Variants in SV2B observed in about 807,000 individuals in gnomAD.
SV2B encodes the protein solute carrier family 22 member B2.
SV2B carries 41 observed loss-of-function variants against 73.9 expected under a neutral mutation model. The observed-to-expected ratio is 0.56, with a 90% CI of 0.43 to 0.72. SV2B has a LOEUF of 0.72. SV2B is among the 30% of genes least tolerant of loss of function. The probability of loss-of-function intolerance (pLI) is 0.00; values close to 1 mark genes in which losing one functional copy is unlikely to be tolerated. For missense variants in SV2B, 764 were observed against 857.8 expected (o/e 0.89, Z 1.37); for synonymous variants, 314 against 314.2 (o/e 1.00, Z 0.01).
At chr15:91,170,416 T>G (rs1457496644) in intron 1 of SV2B, among the ~76,000 whole-genome samples, 1 of 152,124 alleles carries the variant, frequency 6.6e-6, no homozygotes, top group African/African-American at 2.4e-5. Context: ...GCCTCCCGAG[T>G]AGCTGGAACT....
intron 1 of SV2B, among the ~76,000 whole-genome samples, chr15:91,167,555 T>G (rs1211396132): frequency 2.0e-5 from 3 of 152,306 alleles, no homozygotes; most frequent in African/African-American, 7.2e-5. Flanking sequence ...CAACCTTTGG[T>G]TTTGTCTTCA....
rs1406215941 is a variant in SV2B at position 91,234,422 on chromosome 15, A to G, written c.451+7708A>G. Among the ~76,000 whole-genome samples, 3 of 152,216 alleles carry G rather than the reference A, an allele frequency of 2.0e-5. No homozygotes were observed. Among genetic ancestry groups the G allele is most frequent in the South Asian group, 4.1e-4 (2 of 4,834 alleles). ...ATTGGATCCCAGGGTGCAAGGGCCAAGTGGTGGCACTCAGTCACCAAAGGC... is the reference window on the plus strand; with the variant it reads ...ATTGGATCCCAGGGTGCAAGGGCCAGGTGGTGGCACTCAGTCACCAAAGGC... On this transcript the variant is annotated intron_variant, in intron 2 of 12. Transcript: ENST00000394232. This position sits in a 1 kb window ranked among gnomAD's most constrained non-coding sequence, Gnocchi z 5.6.
At chr15:91,204,746 T>C (rs1333276529) in intron 1 of SV2B, among the ~76,000 whole-genome samples, 2 of 152,034 alleles carry the variant, frequency 1.3e-5, no homozygotes, top group East Asian at 1.9e-4. Flanking sequence ...TTTGTAGAGA[T>C]GAAGTCTTGC....
At position 91,236,289 on chromosome 15, in the gene SV2B, CATATG is replaced by C. The variant is rs1342285034; in HGVS notation, c.451+9576_451+9580del. 2.0e-5 allele frequency among the ~76,000 whole-genome samples: 3 copies of C among 152,096 alleles called. No individual in the cohort carries two copies. The highest frequency in any genetic ancestry group is 4.4e-5 in the Non-Finnish European group (3 of 68,012). ...CCAATTTGCTAATTATCAGAATAAA[CATATG>C]TTATTTATTTATTTGTATTGATTCA... On this transcript the variant is annotated intron_variant, in intron 2 of 12. Coordinates refer to ENST00000394232, the MANE Select transcript of SV2B (RefSeq NM_001323032.3). The surrounding 1 kb of genome is among the most constrained non-coding windows in gnomAD (Gnocchi z 4.1).
Position 91,281,922 on chromosome 15 carries a change from G to T in SV2B, c.1507+61G>T. The stretch of plus-strand genomic sequence containing the variant: ...ACAGGAGACAACTTGTGTTGTCCAA[G>T]AATCAAAATGGTCAGGCATAAACTT... On this transcript the variant is annotated intron_variant, in intron 10 of 12. Coordinates refer to ENST00000394232, the MANE Select transcript of SV2B (RefSeq NM_001323032.3). This position sits in a 1 kb window ranked among gnomAD's most constrained non-coding sequence, Gnocchi z 4.7. 7 of 1,526,598 alleles carry T rather than the reference G, an allele frequency of 4.6e-6. No individual in the cohort carries two copies. Among genetic ancestry groups the T allele is most frequent in the South Asian group, 1.3e-5 (1 of 78,708 alleles). 94.6% of individuals were successfully genotyped at this position (1,526,598 alleles called of 1,614,324 possible).
intron 4 of SV2B, among the ~76,000 whole-genome samples, chr15:91,254,341 G>A (rs12101330): frequency 0.13 from 18,968 of 150,512 alleles, 1,291 homozygotes; most frequent in Middle Eastern, 0.15. Context: ...GGTTCAAGCA[G>A]TACTCGTGTC....
At chr15:91,215,354 C>T (rs1197805055) in intron 1 of SV2B, among the ~76,000 whole-genome samples, 1 of 152,160 alleles carries the variant, frequency 6.6e-6, no homozygotes, top group African/African-American at 2.4e-5. Flanking sequence ...GATTTCCCTC[C>T]TCCTTCTGTT....
chr15:91,232,300 C>T lies in SV2B; in HGVS notation c.451+5586C>T, dbSNP rs1354199312. Among the ~76,000 whole-genome samples, 1 of 152,160 alleles carries T rather than the reference C, an allele frequency of 6.6e-6. No homozygotes were observed. The highest frequency in any genetic ancestry group is 2.4e-5 in the African/African-American group (1 of 41,444). Reference sequence around the variant, plus strand: ...TTGTTCTTATTTATACTGTTTAGATCATGTAATTCTTCAGGATAGACTGAT... The same window carrying T: ...TTGTTCTTATTTATACTGTTTAGATTATGTAATTCTTCAGGATAGACTGAT... On this transcript the variant is annotated intron_variant, in intron 2 of 12. Transcript: ENST00000394232. The surrounding 1 kb of genome is among the most constrained non-coding windows in gnomAD (Gnocchi z 4.7).
At chr15:91,152,046 T>C in intron 1 of SV2B, among the ~76,000 whole-genome samples, 1 of 151,212 alleles carries the variant, frequency 6.6e-6, no homozygotes, top group East Asian at 1.9e-4. Flanking sequence ...AATGTTTATT[T>C]TGTCAATCTG....
chr15:91,152,509 T>G (rs991878303), intron 1 of SV2B, among the ~76,000 whole-genome samples: 1 of 152,226 alleles, frequency 6.6e-6, no homozygotes, highest in Non-Finnish European at 1.5e-5. Context: ...TGAATTTACA[T>G]CTTGTCCTTA....
At position 91,129,804 on chromosome 15, in the gene SV2B, G is replaced by A. The variant is rs951060524; in HGVS notation, c.-392+29441G>A. ...ATCCCAGCCCTGCCACTTACTAACT[G>A]TGTGACCGTAAGTATGGTTTTCCTC... On this transcript the variant is annotated intron_variant, in intron 1 of 12. Coordinates refer to ENST00000394232, the MANE Select transcript of SV2B (RefSeq NM_001323032.3). The surrounding 1 kb of genome is among the most constrained non-coding windows in gnomAD (Gnocchi z 5.1). 6.6e-6 allele frequency among the ~76,000 whole-genome samples: 1 copy of A among 152,230 alleles called. No individual in the cohort carries two copies. The highest frequency in any genetic ancestry group is 1.5e-5 in the Non-Finnish European group (1 of 68,038).
At chr15:91,278,432 C>G (rs959036116) in intron 9 of SV2B, among the ~76,000 whole-genome samples, 14 of 151,988 alleles carry the variant, frequency 9.2e-5, no homozygotes, top group Non-Finnish European at 2.1e-4. Flanking sequence ...AATCCCAGCA[C>G]TTTGGGAGGC....
rs369552317 is a variant in SV2B, at chr15:91,289,591, C to A, written c.1779C>A (p.Ile593=). The A allele has an allele frequency of 6.2e-7, 1 of 1,614,206 alleles. No homozygotes were observed. The highest frequency in any genetic ancestry group is 8.5e-7 in the Non-Finnish European group (1 of 1,180,048). The stretch of plus-strand genomic sequence containing the variant: ...TTGGCAACAGTGAGTCTGCAATGAT[C>A]GGCTGGCAGTGCCTGTTCTGTGGGA... The part of the protein sequence containing the change: ...LFFGNSESAM[I]GWQCLFCGTS... The change falls in exon 12 of 13, where the codon ATC becomes ATA. Residue 593 remains isoleucine (I), a synonymous_variant. Transcript: ENST00000394232. The surrounding 1 kb of genome is among the most constrained non-coding windows in gnomAD (Gnocchi z 4.9).
intron 1 of SV2B, among the ~76,000 whole-genome samples, chr15:91,142,981 G>C (rs1474805240): frequency 1.3e-5 from 2 of 152,194 alleles, no homozygotes; most frequent in Non-Finnish European, 2.9e-5. Flanking sequence ...TTTAGGTGCA[G>C]GTAGCAGAAT....
chr15:91,232,430 T>G lies in SV2B; in HGVS notation c.451+5716T>G, dbSNP rs558097625. Among the ~76,000 whole-genome samples the G allele has an allele frequency of 6.6e-6, 1 of 152,180 alleles. No homozygotes were observed. Among genetic ancestry groups the G allele is most frequent in the South Asian group, 2.1e-4 (1 of 4,812 alleles). ...ACACGGATTGCTGTGTTTAGGAGTG[T>G]GGAGTTGATTCCACCGGCAATGGAG... On this transcript the variant is annotated intron_variant, in intron 2 of 12. Transcript: ENST00000394232. The surrounding 1 kb of genome is among the most constrained non-coding windows in gnomAD (Gnocchi z 4.7).
chr15:91,209,179 T>C (rs1382470283), intron 1 of SV2B, among the ~76,000 whole-genome samples: 3 of 145,292 alleles, frequency 2.1e-5, no homozygotes, highest in Non-Finnish European at 3.0e-5. Flanking sequence ...TGGAGTGCAG[T>C]GGCATGATCT....
intron 9 of SV2B, among the ~76,000 whole-genome samples, chr15:91,273,165 C>G (rs2048373761): frequency 6.6e-6 from 1 of 152,096 alleles, no homozygotes; most frequent in East Asian, 1.9e-4. Flanking sequence ...TGCAGTGGGA[C>G]TAAATTTCAG....
At chr15:91,117,589 T>C (rs563217920) in intron 1 of SV2B, among the ~76,000 whole-genome samples, 7 of 152,234 alleles carry the variant, frequency 4.6e-5, no homozygotes, top group Non-Finnish European at 1.0e-4. Flanking sequence ...CAGGGACATA[T>C]TCTTCTCCTT....
At chr15:91,171,640 C>A (rs1348672080) in intron 1 of SV2B, among the ~76,000 whole-genome samples, 6 of 152,132 alleles carry the variant, frequency 3.9e-5, no homozygotes, top group African/African-American at 1.4e-4. Flanking sequence ...ACAGACCCAG[C>A]GAAAATGCTC....
Sources: allele counts gnomAD v4.1 joint callset (sites outside exome capture counted in the v4.1 genomes callset), GRCh38; gene constraint gnomAD v4.1.1; non-coding constraint Gnocchi (gnomAD v3.1); transcripts MANE v1.5; gene names NCBI Gene and HGNC (gene_info 2026-07-23, HGNC 2026-07-21).